The following MTBP variants were observed in gnomAD, a reference collection of about 807,000 sequenced individuals.
MTBP encodes the protein mdm2-binding protein.
Under a neutral mutation model 117.0 loss-of-function variants are expected in MTBP, and 101 were observed. The ratio of observed to expected loss-of-function variants is 0.86; its 90% CI spans 0.73 to 1.02. The LOEUF (loss-of-function observed/expected upper bound fraction) is 1.02, where lower values mean the gene tolerates loss of function less well. Among genes scored for constraint, MTBP ranks in the 50% least tolerant of loss-of-function variants. The pLI is 0.00. For synonymous variants in MTBP, 350 were observed against 351.5 expected (o/e 1.00, Z 0.05); for missense variants, 970 against 1,030.9 (o/e 0.94, Z 0.81).
At chr8:120,483,674 G>A (rs1032489490) in intron 11 of MTBP, among the ~76,000 whole-genome samples, 1 of 152,044 alleles carries the variant, frequency 6.6e-6, no homozygotes, top group African/African-American at 2.4e-5. Context: ...TGTGGTTTAT[G>A]TGTTATCTGT....
At chr8:120,496,635 T>C (rs1461449207) in intron 13 of MTBP, among the ~76,000 whole-genome samples, 1 of 151,482 alleles carries the variant, frequency 6.6e-6, no homozygotes, top group Non-Finnish European at 1.5e-5. Flanking sequence ...TTTCAATGAA[T>C]AGATTTTTCC....
At chr8:120,482,213 C>T (rs1814100044) in intron 11 of MTBP, among the ~76,000 whole-genome samples, 1 of 152,118 alleles carries the variant, frequency 6.6e-6, no homozygotes, top group Non-Finnish European at 1.5e-5. Context: ...TTCCCCAACA[C>T]GAGGTGAAAT....
At chr8:120,518,356 T>C (rs2130622644) in intron 19 of MTBP, among the ~76,000 whole-genome samples, 1 of 152,102 alleles carries the variant, frequency 6.6e-6, no homozygotes, top group East Asian at 1.9e-4. Flanking sequence ...GCGTGTCAAA[T>C]ATTCTCTACT....
chr8:120,467,645 C>T (rs537772612), intron 10 of MTBP, among the ~76,000 whole-genome samples: 34 of 152,170 alleles, frequency 2.2e-4, no homozygotes, highest in Non-Finnish European at 4.4e-4. Context: ...TGTTATTTGG[C>T]GTTTATATTC....
At chr8:120,445,998 C>T (rs1376175567) in intron 1 of MTBP, among the ~76,000 whole-genome samples, 1 of 152,122 alleles carries the variant, frequency 6.6e-6, no homozygotes, top group Non-Finnish European at 1.5e-5. Context: ...CCACATATAA[C>T]CTAAGTTTTA....
At chr8:120,511,455 C>G (rs966813149) in intron 17 of MTBP, among the ~76,000 whole-genome samples, 1 of 152,166 alleles carries the variant, frequency 6.6e-6, no homozygotes, top group African/African-American at 2.4e-5. Context: ...ACCACCACGC[C>G]TGGCTAATTT....
At chr8:120,509,910 C>T in intron 16 of MTBP, 24 bp from the exon 17 acceptor site, 1 of 1,547,202 alleles carries the variant, frequency 6.5e-7, no homozygotes, top group South Asian at 1.2e-5. Flanking sequence ...ACTTTGAATA[C>T]AAATGAAAAA....
At chr8:120,505,524 A>G (rs1198260151) in intron 15 of MTBP, among the ~76,000 whole-genome samples, 1 of 152,200 alleles carries the variant, frequency 6.6e-6, no homozygotes, top group African/African-American at 2.4e-5. Context: ...GGAAGAGGAA[A>G]GAGGCACTGT....
chr8:120,502,348 T>C, intron 14 of MTBP, 144 bp from the exon 15 acceptor site: 1 of 463,222 alleles, frequency 2.2e-6, no homozygotes, highest in Non-Finnish European at 3.8e-6. Context: ...ATCAGAGAGG[T>C]CTTTAATAAA....
chr8:120,494,430 GA>G (rs1428613982), intron 13 of MTBP, among the ~76,000 whole-genome samples: 2 of 152,146 alleles, frequency 1.3e-5, no homozygotes, highest in African/African-American at 4.8e-5. Flanking sequence ...AAGTGATACT[GA>G]AAAAGCTTCA....
intron 17 of MTBP, 135 bp from the exon 18 acceptor site, chr8:120,515,790 A>T: frequency 1.2e-6 from 1 of 818,742 alleles, no homozygotes. Context: ...TAGGCCAGCC[A>T]CTCAACCTTC....
chr8:120,463,744 T>G lies in MTBP; in HGVS notation c.1030T>G (p.Ser344Ala). ...QNSVLLLEQI[S>A]SLCSKVGALF... is the part of the protein sequence containing the mutation. ...TTCTGTGTTGCTGTTGGAGCAGATT[T>G]CTTCTCTGTGTAGCAAGGTATTGAG... The change falls in exon 10 of 22, where the codon TCT becomes GCT. Residue 344 changes from serine (S) to alanine (A), a missense_variant. Physicochemically the swap from Ser to Ala is moderately conservative, Grantham distance 99. Coordinates refer to ENST00000305949, the MANE Select transcript of MTBP (RefSeq NM_022045.5). 1 of 1,612,458 alleles carries G rather than the reference T, an allele frequency of 6.2e-7. No homozygotes were observed. Among genetic ancestry groups the G allele is most frequent in the African/African-American group, 1.3e-5 (1 of 75,022 alleles).
At chr8:120,461,569 T>C (rs1310956908) in intron 9 of MTBP, among the ~76,000 whole-genome samples, 1 of 152,144 alleles carries the variant, frequency 6.6e-6, no homozygotes, top group Non-Finnish European at 1.5e-5. Flanking sequence ...ACAGAAGTGA[T>C]TGAGCCTTGC....
intron 2 of MTBP, among the ~76,000 whole-genome samples, chr8:120,450,427 T>C (rs897239960): frequency 6.6e-6 from 1 of 152,204 alleles, no homozygotes; most frequent in Non-Finnish European, 1.5e-5. Flanking sequence ...CCTTTCTTCT[T>C]CCTGTTTTGA....
At chr8:120,496,319 T>A (rs74951194) in intron 13 of MTBP, among the ~76,000 whole-genome samples, 1 of 152,134 alleles carries the variant, frequency 6.6e-6, no homozygotes, top group African/African-American at 2.4e-5. Context: ...CACAGGGAAA[T>A]AAAGAGCTGC....
At chr8:120,466,699 C>G (rs916006493) in intron 10 of MTBP, among the ~76,000 whole-genome samples, 3 of 151,518 alleles carry the variant, frequency 2.0e-5, no homozygotes, top group African/African-American at 7.3e-5. Flanking sequence ...ATGGTGAAAC[C>G]CCATCTCTAC....
intron 19 of MTBP, 33 bp downstream of exon 19, chr8:120,518,133 A>G (rs1814953263): frequency 6.5e-7 from 1 of 1,534,906 alleles, no homozygotes. Context: ...TCTTAGTTCT[A>G]CATAGGAAGA....
intron 13 of MTBP, among the ~76,000 whole-genome samples, chr8:120,496,091 T>C (rs1462509558): frequency 6.6e-6 from 1 of 152,178 alleles, no homozygotes. Context: ...TTCTTATACA[T>C]ACACCCAGCA....
intron 4 of MTBP, among the ~76,000 whole-genome samples, chr8:120,453,336 A>C (rs1257377085): frequency 1.3e-5 from 2 of 152,012 alleles, no homozygotes; most frequent in Non-Finnish European, 2.9e-5. Context: ...TATCCCAGCT[A>C]TGCAGGAGGC....
Sources: allele counts gnomAD v4.1 joint callset (sites outside exome capture counted in the v4.1 genomes callset), GRCh38; gene constraint gnomAD v4.1.1; transcripts MANE v1.5; gene names NCBI Gene and HGNC (gene_info 2026-07-23, HGNC 2026-07-21).